The following ZNF827 variants were observed in gnomAD, a reference collection of about 807,000 sequenced individuals.
The protein encoded by ZNF827 is zinc finger protein 827.
ZNF827 carries 13 observed loss-of-function variants against 102.4 expected under a neutral mutation model. The observed-to-expected ratio is 0.13, with a 90% CI of 0.08 to 0.20. The LOEUF (loss-of-function observed/expected upper bound fraction) is 0.20, where lower values mean the gene tolerates loss of function less well. Among genes scored for constraint, ZNF827 ranks in the 10% least tolerant of loss-of-function variants. The probability of loss-of-function intolerance (pLI) is 1.00; values close to 1 mark genes in which losing one functional copy is unlikely to be tolerated. For synonymous variants in ZNF827, 523 were observed against 536.2 expected (o/e 0.98, Z 0.34); for missense variants, 1,103 against 1,344.4 (o/e 0.82, Z 2.81).
At chr4:145,900,917 C>A (rs1045133037) in intron 2 of ZNF827, among the ~76,000 whole-genome samples, 4 of 152,158 alleles carry the variant, frequency 2.6e-5, no homozygotes, top group African/African-American at 9.7e-5. Flanking sequence ...GAATTGACAA[C>A]ATCCTAGGAT....
intron 4 of ZNF827, 137 bp from the exon 5 acceptor site, chr4:145,870,615 G>C (rs956590483): frequency 1.8e-5 from 13 of 737,076 alleles, no homozygotes; most frequent in African/African-American, 3.5e-5. Context: ...ATCAGAACAG[G>C]CTGGGCCCTG....
At chr4:145,829,475 T>A (rs920528578) in intron 7 of ZNF827, among the ~76,000 whole-genome samples, 1 of 152,230 alleles carries the variant, frequency 6.6e-6, no homozygotes, top group Non-Finnish European at 1.5e-5. Flanking sequence ...TTCAGCCATA[T>A]ATTATGTGAC....
At chr4:145,880,339 A>C (rs935458569) in intron 4 of ZNF827, among the ~76,000 whole-genome samples, 1 of 152,244 alleles carries the variant, frequency 6.6e-6, no homozygotes, top group Non-Finnish European at 1.5e-5. Context: ...GAATACTTAT[A>C]CCACCTACTA....
intron 8 of ZNF827, among the ~76,000 whole-genome samples, chr4:145,810,185 A>G (rs2126383214): frequency 6.6e-6 from 1 of 152,310 alleles, no homozygotes; most frequent in South Asian, 2.1e-4. Context: ...GAATCATACC[A>G]TTCATGTGGA....
intron 8 of ZNF827, among the ~76,000 whole-genome samples, chr4:145,812,423 C>G (rs1742111490): frequency 6.6e-6 from 1 of 152,154 alleles, no homozygotes; most frequent in Non-Finnish European, 1.5e-5. Flanking sequence ...TAGTGGTTGG[C>G]AATCAGCTCG....
chr4:145,807,735 G>A (rs1475520262), intron 8 of ZNF827, among the ~76,000 whole-genome samples: 1 of 149,828 alleles, frequency 6.7e-6, no homozygotes. Context: ...CTCCCAAAGT[G>A]CTGGGATTAC....
chr4:145,910,717 A>C (rs1039649736), intron 1 of ZNF827, among the ~76,000 whole-genome samples: 1 of 152,214 alleles, frequency 6.6e-6, no homozygotes, highest in African/African-American at 2.4e-5. Context: ...ATAAAATACA[A>C]AACTCTTACC....
At chr4:145,877,348 CT>C (rs1749232354) in intron 4 of ZNF827, among the ~76,000 whole-genome samples, 1 of 152,058 alleles carries the variant, frequency 6.6e-6, no homozygotes, top group Non-Finnish European at 1.5e-5. Flanking sequence ...CTATGATGTG[CT>C]TTGGGTAAGA....
intron 8 of ZNF827, among the ~76,000 whole-genome samples, chr4:145,806,068 T>C (rs1279892767): frequency 6.6e-6 from 1 of 152,112 alleles, no homozygotes; most frequent in East Asian, 1.9e-4. Context: ...AGGGGCTTTG[T>C]TTTATTCACT....
At chr4:145,809,703 C>G (rs960804750) in intron 8 of ZNF827, among the ~76,000 whole-genome samples, 5 of 152,088 alleles carry the variant, frequency 3.3e-5, no homozygotes, top group African/African-American at 1.2e-4. Flanking sequence ...ACTGACTGAC[C>G]CCACCCAGAC....
intron 2 of ZNF827, among the ~76,000 whole-genome samples, chr4:145,900,688 G>A (rs1410119307): frequency 2.0e-5 from 3 of 152,128 alleles, no homozygotes; most frequent in African/African-American, 7.2e-5. Context: ...AGGATTACAG[G>A]TGTGAGCCAC....
At chr4:145,883,481 C>T (rs565871273) in intron 4 of ZNF827, among the ~76,000 whole-genome samples, 3 of 152,178 alleles carry the variant, frequency 2.0e-5, no homozygotes, top group Non-Finnish European at 2.9e-5. Context: ...CTTCTCCCCT[C>T]GTGTCTGCTG....
In ZNF827 at chr4:145,760,932, G is replaced by A. The variant is rs1469305682; in HGVS notation, c.*684C>T. 8.1e-7 allele frequency: 1 copy of A among 1,232,144 alleles called. No individual in the cohort carries two copies. The highest frequency in any genetic ancestry group is 2.3e-4 in the Middle Eastern group (1 of 4,402). 76.3% of individuals were successfully genotyped at this position (1,232,144 alleles called of 1,614,324 possible). On this transcript the variant is annotated 3_prime_UTR_variant, in exon 15 of 15. Transcript: ENST00000508784. ...ATAACATTGTCAAGGGAATGAGATGGGCAAAATCTGAGTTCCGGTACTTGT... is the reference window on the plus strand; with the variant it reads ...ATAACATTGTCAAGGGAATGAGATGAGCAAAATCTGAGTTCCGGTACTTGT...
At chr4:145,766,078 A>T (rs1454816020) in intron 11 of ZNF827, among the ~76,000 whole-genome samples, 2 of 152,184 alleles carry the variant, frequency 1.3e-5, no homozygotes, top group African/African-American at 4.8e-5. Context: ...GTTTTTTCAA[A>T]AATCCTGTGT....
rs1301608676 is a variant in ZNF827, at chr4:145,760,584, T to A, written c.*1032A>T. On this transcript the variant is annotated 3_prime_UTR_variant, in exon 15 of 15. Coordinates refer to ENST00000508784, the MANE Select transcript of ZNF827 (RefSeq NM_001306215.2). ...AAGATTGGATAAAGCAGCTTTCAGG[T>A]CAATGCAATAGGTATACACACAGAG... 1 of 181,844 alleles carries A rather than the reference T, an allele frequency of 5.5e-6. No homozygotes were observed. Among genetic ancestry groups the A allele is most frequent in the Non-Finnish European group, 1.1e-5 (1 of 93,126 alleles). The allele number at this position is 181,844 out of a possible 1,614,324, so 11.3% of individuals were successfully genotyped here. A position where few individuals can be genotyped will look rare whatever the true frequency, so the allele number is the denominator to read the frequency against.
Position 145,885,642 on chromosome 4 carries a change from GA to G in ZNF827, c.1747+35del, listed in dbSNP as rs2126821673. 1.4e-5 allele frequency: 21 copies of G among 1,500,290 alleles called. No homozygotes were observed. The South Asian group carries it at 2.8e-4, about 20-fold the overall frequency. 92.9% of individuals were successfully genotyped at this position (1,500,290 alleles called of 1,614,324 possible). A position where few individuals can be genotyped will look rare whatever the true frequency, so the allele number is the denominator to read the frequency against. On this transcript the variant is annotated intron_variant, in intron 4 of 14. Transcript: ENST00000508784. ...AGAGAGAGAGAGAGAGAGAGAGAGA[GA>G]GAGAGAGAGAGAGAATACAACCCTA... is the stretch of plus-strand genomic sequence containing the variant.
intron 8 of ZNF827, among the ~76,000 whole-genome samples, chr4:145,807,368 TAGAAGAAG>T (rs1448558198): frequency 6.6e-6 from 1 of 152,204 alleles, no homozygotes; most frequent in Non-Finnish European, 1.5e-5. Context: ...TATAGAAAAC[TAGAAGAAG>T]AGAGACAAGG....
chr4:145,795,573 A>G (rs968324958), intron 8 of ZNF827, among the ~76,000 whole-genome samples: 3 of 152,254 alleles, frequency 2.0e-5, no homozygotes, highest in African/African-American at 7.2e-5. Context: ...ATCCCAAAAC[A>G]AAAATTAGAG....
At chr4:145,937,120 C>G (rs1579614726) in intron 1 of ZNF827, among the ~76,000 whole-genome samples, 1 of 152,190 alleles carries the variant, frequency 6.6e-6, no homozygotes, top group East Asian at 1.9e-4. Context: ...TCGAAACACT[C>G]AAAGCGGAGA....
Sources: allele counts gnomAD v4.1 joint callset (sites outside exome capture counted in the v4.1 genomes callset), GRCh38; gene constraint gnomAD v4.1.1; transcripts MANE v1.5; gene names NCBI Gene and HGNC (gene_info 2026-07-23, HGNC 2026-07-21).